Variants in OSBPL5 observed in about 807,000 individuals in gnomAD.
The protein encoded by OSBPL5 is oxysterol-binding protein-related protein 5.
OSBPL5 carries 71 observed loss-of-function variants against 111.2 expected under a neutral mutation model. The observed-to-expected ratio is 0.64, with a 90% CI of 0.53 to 0.78. The LOEUF (loss-of-function observed/expected upper bound fraction) is 0.78, where lower values mean the gene tolerates loss of function less well. OSBPL5 is among the 30% of genes least tolerant of loss of function. The probability of loss-of-function intolerance (pLI) is 0.00; values close to 1 mark genes in which losing one functional copy is unlikely to be tolerated. For missense variants in OSBPL5, 1,210 were observed against 1,189.3 expected (o/e 1.02, Z -0.26); for synonymous variants, 549 against 513.9 (o/e 1.07, Z -0.93).
Position 3,146,979 on chromosome 11 carries a change from C to T in OSBPL5, c.-21-17810G>A, listed in dbSNP as rs1846371609. 6.6e-6 allele frequency among the ~76,000 whole-genome samples: 1 copy of T among 152,170 alleles called. No individual in the cohort carries two copies. The highest frequency in any genetic ancestry group is 2.4e-5 in the African/African-American group (1 of 41,438). On this transcript the variant is annotated intron_variant, in intron 1 of 21. Transcript: ENST00000263650. This position sits in a 1 kb window ranked among gnomAD's most constrained non-coding sequence, Gnocchi z 7.8. ...CGGGGGCCTTGGCAGCTGTCACGAC[C>T]CTCCTGAGCTAAACGCACAGCCCGC...
chr11:3,123,244 C>A (rs563511767), intron 3 of OSBPL5, among the ~76,000 whole-genome samples: 117 of 152,332 alleles, frequency 7.7e-4, no homozygotes, highest in African/African-American at 2.8e-3. Context: ...GACACAGAAC[C>A]AGGTCTAAAG....
intron 2 of OSBPL5, 39 bp downstream of exon 2, chr11:3,128,974 G>A (rs1858731620): frequency 6.8e-7 from 1 of 1,469,532 alleles, no homozygotes; most frequent in Non-Finnish European, 9.0e-7. Flanking sequence ...CCGGGCCCAA[G>A]CTGAGGGCCA....
intron 2 of OSBPL5, among the ~76,000 whole-genome samples, 163 bp downstream of exon 2, chr11:3,128,850 C>T (rs1858726474): frequency 6.6e-6 from 1 of 152,158 alleles, no homozygotes; most frequent in South Asian, 2.1e-4. Flanking sequence ...AGCCGTATTA[C>T]CTGGCACTCT....
chr11:3,135,270 C>G (rs1338829707), intron 1 of OSBPL5, among the ~76,000 whole-genome samples: 3 of 152,258 alleles, frequency 2.0e-5, no homozygotes, highest in Non-Finnish European at 4.4e-5. Flanking sequence ...TCCTTGACTA[C>G]TCAAGCACCT....
In OSBPL5 at chr11:3,092,835, C is replaced by G; in HGVS notation, c.2132+32G>C. On this transcript the variant is annotated intron_variant, in intron 18 of 21. Coordinates refer to ENST00000263650, the MANE Select transcript of OSBPL5 (RefSeq NM_020896.4). The surrounding 1 kb of genome is among the most constrained non-coding windows in gnomAD (Gnocchi z 5.4). ...GCCCGTCTGCTAGGCCCAGCCCCAC[C>G]CTGTGGCCCCCAGGGCTTTGTCGGC... The G allele has an allele frequency of 6.7e-7, 1 of 1,501,416 alleles. No individual in the cohort carries two copies. The highest frequency in any genetic ancestry group is 1.3e-5 in the South Asian group (1 of 76,658). The allele number at this position is 1,501,416 out of a possible 1,614,324, so 93.0% of individuals were successfully genotyped here.
Position 3,105,186 on chromosome 11 carries a change from G to A in OSBPL5, c.1060-809C>T, listed in dbSNP as rs992858972. On this transcript the variant is annotated intron_variant, in intron 9 of 21. Transcript: ENST00000263650. This position sits in a 1 kb window ranked among gnomAD's most constrained non-coding sequence, Gnocchi z 5.2. ...GTCCAAGGTCACACGGCTGCTATGC[G>A]GCAGAGGTCAGATCTGAACTCAGGG... Among the ~76,000 whole-genome samples the A allele has an allele frequency of 3.9e-5, 6 of 152,162 alleles. No individual in the cohort carries two copies. Among genetic ancestry groups the A allele is most frequent in the Admixed American group, 2.0e-4 (3 of 15,278 alleles).
At chr11:3,155,650 C>G (rs565749439) in intron 1 of OSBPL5, among the ~76,000 whole-genome samples, 4 of 149,748 alleles carry the variant, frequency 2.7e-5, no homozygotes, top group Admixed American at 2.7e-4. Flanking sequence ...AGCTCTGCCA[C>G]TCACTCACCC....
intron 21 of OSBPL5, among the ~76,000 whole-genome samples, chr11:3,088,748 T>C (rs954655146): frequency 1.3e-5 from 2 of 152,064 alleles, no homozygotes; most frequent in African/African-American, 4.8e-5. Context: ...ATGGAGACCA[T>C]TAGGGTGGGC....
rs760800105 is a variant in OSBPL5, at chr11:3,129,073, G to T, written c.76C>A (p.Arg26=). The T allele has an allele frequency of 6.3e-7, 1 of 1,575,940 alleles. No homozygotes were observed. The highest frequency in any genetic ancestry group is 2.4e-5 in the East Asian group (1 of 41,358). The change falls in exon 2 of 22, where the codon CGG becomes AGG. Residue 26 remains arginine (R), a synonymous_variant. Coordinates refer to ENST00000263650, the MANE Select transcript of OSBPL5 (RefSeq NM_020896.4). ...AGGAGCAAGTTCCGGGTGAGCTTCC[G>T]GGGGTCGACTTTCTGAGGGGTGGAG... ...PSSTPQKVDP[R]KLTRNLLLSG... is the part of the protein sequence containing the mutation.
At chr11:3,114,227 G>C (rs12272516) in intron 7 of OSBPL5, among the ~76,000 whole-genome samples, 1,563 of 152,094 alleles carry the variant, frequency 0.01, 19 homozygotes, top group Middle Eastern at 0.024. Context: ...ATAAAACAAG[G>C]TAAAAGGAAC....
At chr11:3,156,207 C>T (rs61870241) in intron 1 of OSBPL5, among the ~76,000 whole-genome samples, 8 of 152,178 alleles carry the variant, frequency 5.3e-5, no homozygotes, top group Non-Finnish European at 7.3e-5. Context: ...TGCCCTCGGC[C>T]GTGCCCAAGG....
At chr11:3,131,491 T>C (rs1235789159) in intron 1 of OSBPL5, among the ~76,000 whole-genome samples, 2 of 146,160 alleles carry the variant, frequency 1.4e-5, no homozygotes, top group Non-Finnish European at 3.0e-5. Flanking sequence ...CATCCATCCA[T>C]CTACCATCCT....
At chr11:3,100,309 C>T (rs1857409250) in intron 13 of OSBPL5, 53 bp from the exon 14 acceptor site, 5 of 1,512,116 alleles carry the variant, frequency 3.3e-6, no homozygotes, top group Non-Finnish European at 4.6e-6. Flanking sequence ...CCTTTCACAT[C>T]TGAGGCCACC....
chr11:3,152,913 C>A (rs377522979), intron 1 of OSBPL5, among the ~76,000 whole-genome samples: 1 of 152,200 alleles, frequency 6.6e-6, no homozygotes, highest in Non-Finnish European at 1.5e-5. Context: ...CCTCCTGCCG[C>A]GTCCGTCCGC....
chr11:3,088,234 G>C lies in OSBPL5; in HGVS notation c.2611C>G (p.Gln871Glu), dbSNP rs779052682. Reference sequence around the variant, plus strand: ...TTGAGGATGTGGTTAATGAACAGCTGACACGCCAGGAACACGCAGAGCAGG... The same window carrying C: ...TTGAGGATGTGGTTAATGAACAGCTCACACGCCAGGAACACGCAGAGCAGG... The part of the protein sequence containing the change: ...WFLLCVFLAC[Q>E]LFINHILK The change falls in exon 22 of 22, where the codon CAG becomes GAG. Residue 871 changes from glutamine to glutamate, a missense_variant. Coordinates refer to ENST00000263650, the MANE Select transcript of OSBPL5 (RefSeq NM_020896.4). 3.1e-6 allele frequency: 5 copies of C among 1,604,140 alleles called. No individual in the cohort carries two copies. The highest frequency in any genetic ancestry group is 4.3e-6 in the Non-Finnish European group (5 of 1,175,078).
At chr11:3,135,388 G>A (rs183105377) in intron 1 of OSBPL5, among the ~76,000 whole-genome samples, 5 of 152,150 alleles carry the variant, frequency 3.3e-5, no homozygotes, top group Admixed American at 2.6e-4. Context: ...GCTAAGGGCC[G>A]GGGAACGTTC....
intron 14 of OSBPL5, among the ~76,000 whole-genome samples, chr11:3,099,011 C>T (rs1289280878): frequency 2.0e-5 from 3 of 152,166 alleles, no homozygotes; most frequent in African/African-American, 7.2e-5. Flanking sequence ...CCATGTTGCC[C>T]AGGCTGGTCT....
At chr11:3,097,163 G>A (rs1857301811) in intron 14 of OSBPL5, among the ~76,000 whole-genome samples, 2 of 147,332 alleles carry the variant, frequency 1.4e-5, no homozygotes, top group Non-Finnish European at 3.0e-5. Flanking sequence ...GAAAAGGGGG[G>A]AAGAGAAAGA....
Position 3,143,441 on chromosome 11 carries a change from G to A in OSBPL5, c.-21-14272C>T, listed in dbSNP as rs568372502. 2.0e-4 allele frequency among the ~76,000 whole-genome samples: 30 copies of A among 152,314 alleles called. No homozygotes were observed. The South Asian group carries it at 5.4e-3, about 27-fold the overall frequency. On this transcript the variant is annotated intron_variant, in intron 1 of 21. Coordinates refer to ENST00000263650, the MANE Select transcript of OSBPL5 (RefSeq NM_020896.4). ...GCATGGCTCAGGGCCATCAGAGAGCGGACACAGCCAGACATCCACATGGGT... is the reference window on the plus strand; with the variant it reads ...GCATGGCTCAGGGCCATCAGAGAGCAGACACAGCCAGACATCCACATGGGT...
Sources: allele counts gnomAD v4.1 joint callset (sites outside exome capture counted in the v4.1 genomes callset), GRCh38; gene constraint gnomAD v4.1.1; non-coding constraint Gnocchi (gnomAD v3.1); transcripts MANE v1.5; gene names NCBI Gene and HGNC (gene_info 2026-07-23, HGNC 2026-07-21).